The following CPLX1 variants were observed in gnomAD, a reference collection of about 807,000 sequenced individuals.
The protein encoded by CPLX1 is complexin-1.
CPLX1 carries 6 observed loss-of-function variants against 15.6 expected under a neutral mutation model. The observed-to-expected ratio is 0.39, with a 90% CI of 0.21 to 0.76. The LOEUF is 0.76. CPLX1 is among the 30% of genes least tolerant of loss of function. The pLI, the probability that CPLX1 is intolerant of heterozygous loss-of-function variation, is 0.43. For synonymous variants in CPLX1, 91 were observed against 75.2 expected (o/e 1.21, Z -1.08); for missense variants, 242 against 188.6 (o/e 1.28, Z -1.66).
Position 787,293 on chromosome 4 carries a change from G to C in CPLX1, c.208-595C>G, listed in dbSNP as rs1746026994. 6.1e-6 allele frequency: 6 copies of C among 985,270 alleles called. No individual in the cohort carries two copies. In the South Asian group the frequency reaches 2.8e-4, roughly 46 times the overall value. 61.0% of individuals were successfully genotyped at this position (985,270 alleles called of 1,614,324 possible). ...ACTGGGTGTCCTGGAATCCCGCCTA[G>C]TCGTGCCCTCAGCCAGTATGCCTGG... On this transcript the variant is annotated intron_variant, in intron 3 of 3. Transcript: ENST00000304062.
intron 2 of CPLX1, among the ~76,000 whole-genome samples, chr4:801,227 CAGG>C (rs907570740): frequency 4.0e-5 from 6 of 151,006 alleles, no homozygotes; most frequent in African/African-American, 1.5e-4. Context: ...GAGGCTGAGG[CAGG>C]AGAATTGCTT....
chr4:786,222 G>C lies in CPLX1; in HGVS notation c.*279C>G. ...GCTGCCCTTCGGCGGCCCTGGCCTC[G>C]GGCGCTGCTGGGTGGGCGGTAAACA... On this transcript the variant is annotated 3_prime_UTR_variant, in exon 4 of 4. Transcript: ENST00000304062. 1 of 277,634 alleles carries C rather than the reference G, an allele frequency of 3.6e-6. No homozygotes were observed. Among genetic ancestry groups the C allele is most frequent in the Non-Finnish European group, 6.7e-6 (1 of 149,302 alleles). 17.2% of individuals were successfully genotyped at this position (277,634 alleles called of 1,614,324 possible).
chr4:799,628 C>T (rs1166844983), intron 2 of CPLX1, among the ~76,000 whole-genome samples: 6 of 152,104 alleles, frequency 3.9e-5, no homozygotes, highest in Admixed American at 3.3e-4. Context: ...TTTGGGAGGC[C>T]GAGATGGGCG....
intron 3 of CPLX1, 86 bp downstream of exon 3, chr4:792,347 G>A (rs941492500): frequency 6.6e-5 from 79 of 1,204,838 alleles, no homozygotes; most frequent in Admixed American, 9.9e-5. Context: ...CCCCTCTTCC[G>A]GGCAGCCCCT....
chr4:794,738 G>C (rs889451936), intron 2 of CPLX1, among the ~76,000 whole-genome samples: 1 of 152,326 alleles, frequency 6.6e-6, no homozygotes, highest in African/African-American at 2.4e-5. Flanking sequence ...GCGTCTATAA[G>C]GAGGTGGGTG....
rs191397548 is a variant in CPLX1, at chr4:817,229, G to A, written c.31+7263C>T. Among the ~76,000 whole-genome samples, 707 of 148,050 alleles carry A rather than the reference G, an allele frequency of 4.8e-3. 5 individuals are homozygous for A. Among genetic ancestry groups the A allele is most frequent in the African/African-American group, 0.017 (664 of 39,752 alleles). On this transcript the variant is annotated intron_variant, in intron 2 of 3. Coordinates refer to ENST00000304062, the MANE Select transcript of CPLX1 (RefSeq NM_006651.4). ...GAAACGTTAAGCAAGGCTCAGCAGG[G>A]GCACACTGGGTGAATGTAAAAAAAA...
chr4:821,993 G>A (rs1000782797), intron 2 of CPLX1, among the ~76,000 whole-genome samples: 2 of 152,164 alleles, frequency 1.3e-5, no homozygotes, highest in Non-Finnish European at 2.9e-5. Flanking sequence ...ACCCTCTGAC[G>A]GGCGTGCACG....
At chr4:800,833 G>A (rs1020888143) in intron 2 of CPLX1, among the ~76,000 whole-genome samples, 2 of 148,982 alleles carry the variant, frequency 1.3e-5, no homozygotes, top group Non-Finnish European at 3.0e-5. Flanking sequence ...ATATGTGTGT[G>A]TGTGTGTATA....
intron 2 of CPLX1, among the ~76,000 whole-genome samples, chr4:800,733 A>AAT (rs1426257011): frequency 7.2e-5 from 5 of 69,034 alleles, no homozygotes; most frequent in African/African-American, 3.1e-4. Context: ...CTAAAAAAAA[A>AAT]AATATATATA....
intron 3 of CPLX1, chr4:787,035 G>T: frequency 1.0e-6 from 1 of 985,380 alleles, no homozygotes; most frequent in Non-Finnish European, 1.2e-6. Flanking sequence ...GGAAGCCTCC[G>T]GCCCGGGGCA....
At chr4:824,294 C>G in intron 2 of CPLX1, among the ~76,000 whole-genome samples, 198 bp downstream of exon 2, 1 of 152,344 alleles carries the variant, frequency 6.6e-6, no homozygotes, top group East Asian at 1.9e-4. Flanking sequence ...AGTTCTGGCT[C>G]GGGGCCTCGA....
chr4:803,504 C>A (rs995616043), intron 2 of CPLX1, among the ~76,000 whole-genome samples: 1 of 152,144 alleles, frequency 6.6e-6, no homozygotes, highest in African/African-American at 2.4e-5. Context: ...CATTCTCCCG[C>A]CTCAGCCTCT....
intron 2 of CPLX1, among the ~76,000 whole-genome samples, chr4:809,330 G>C (rs560416727): frequency 5.9e-5 from 9 of 152,326 alleles, no homozygotes; most frequent in African/African-American, 2.2e-4. Flanking sequence ...CCCGGCCAAA[G>C]CTTCTCATTC....
chr4:788,213 C>A, intron 3 of CPLX1: 1 of 985,246 alleles, frequency 1.0e-6, no homozygotes, highest in South Asian at 4.7e-5. Flanking sequence ...GCTGGGCACC[C>A]CCTGGATCTC....
Position 788,428 on chromosome 4 carries a change from G to A in CPLX1, c.208-1730C>T, listed in dbSNP as rs1577467332. Reference sequence around the variant, plus strand: ...GGCCAGACCACCACCTGGCCACTGAGGAGAGAGGGGCCGTGGGCTCGCCCT... The same window carrying A: ...GGCCAGACCACCACCTGGCCACTGAAGAGAGAGGGGCCGTGGGCTCGCCCT... On this transcript the variant is annotated intron_variant, in intron 3 of 3. Transcript: ENST00000304062. 6 of 985,434 alleles carry A rather than the reference G, an allele frequency of 6.1e-6. No individual in the cohort carries two copies. In the East Asian group the frequency reaches 4.5e-4, roughly 75 times the overall value. 61.0% of individuals were successfully genotyped at this position (985,434 alleles called of 1,614,324 possible). A position where few individuals can be genotyped will look rare whatever the true frequency, so the allele number is the denominator to read the frequency against.
At chr4:808,620 A>G (rs541005200) in intron 2 of CPLX1, among the ~76,000 whole-genome samples, 1 of 152,260 alleles carries the variant, frequency 6.6e-6, no homozygotes, top group African/African-American at 2.4e-5. Flanking sequence ...TGAACCTCCC[A>G]TAAAACAGGC....
intron 2 of CPLX1, among the ~76,000 whole-genome samples, chr4:812,737 ATCCTAACGCTGCGTG>A (rs1236456588): frequency 6.6e-6 from 1 of 151,886 alleles, no homozygotes; most frequent in Non-Finnish European, 1.5e-5. Context: ...AATGCTGGGC[ATCCTAACGCTGCGTG>A]TCCTAACGCT....
chr4:791,621 T>C (rs1427150931), intron 3 of CPLX1, among the ~76,000 whole-genome samples: 2 of 152,140 alleles, frequency 1.3e-5, no homozygotes, highest in South Asian at 2.1e-4. Flanking sequence ...AGTCTGAACC[T>C]TCCCACCCCG....
Position 814,888 on chromosome 4 carries a change from C to T in CPLX1, c.31+9604G>A, listed in dbSNP as rs552469447. On this transcript the variant is annotated intron_variant, in intron 2 of 3. Coordinates refer to ENST00000304062, the MANE Select transcript of CPLX1 (RefSeq NM_006651.4). ...CGTCCACCAGGTGAAAGAAGGATTC[C>T]ATGAAAGGCACCAGGTCTAGCCCCA... Among the ~76,000 whole-genome samples, 50 of 152,352 alleles carry T rather than the reference C, an allele frequency of 3.3e-4. No homozygotes were observed. The South Asian group carries it at 7.5e-3, about 23-fold the overall frequency.
Sources: allele counts gnomAD v4.1 joint callset (sites outside exome capture counted in the v4.1 genomes callset), GRCh38; gene constraint gnomAD v4.1.1; transcripts MANE v1.5; gene names NCBI Gene and HGNC (gene_info 2026-07-23, HGNC 2026-07-21).